Variants in RNF20 observed in about 807,000 individuals in gnomAD.
RNF20 encodes E3 ubiquitin-protein ligase BRE1A.
In RNF20, 84 loss-of-function variants were observed where a neutral mutation model predicts 126.2. The ratio of observed to expected loss-of-function variants is 0.67; its 90% confidence interval spans 0.56 to 0.80. RNF20 has a LOEUF of 0.80. RNF20 is among the 30% of genes least tolerant of loss of function. The pLI, the probability that RNF20 is intolerant of heterozygous loss-of-function variation, is 0.00. For synonymous variants in RNF20, 400 were observed against 414.3 expected (o/e 0.97, Z 0.42); for missense variants, 869 against 1,188.2 (o/e 0.73, Z 3.95).
intron 2 of RNF20, among the ~76,000 whole-genome samples, chr9:101,536,540 G>C (rs1827187494): frequency 6.6e-6 from 1 of 152,158 alleles, no homozygotes; most frequent in Non-Finnish European, 1.5e-5. Flanking sequence ...CTGGCAGGAA[G>C]TGATTTTTGT....
Position 101,547,133 on chromosome 9 carries a change from G to A in RNF20, c.895-4G>A, listed in dbSNP as rs1827363807. On this transcript the variant is annotated splice_region_variant and splice_polypyrimidine_tract_variant and intron_variant, in intron 7 of 19. Coordinates refer to ENST00000389120, the MANE Select transcript of RNF20 (RefSeq NM_019592.7). ...TCACTAAAGAATCTTTGTGTTCTCTGTAGGTGAATTCCAAAGGTTATAAGG... is the reference window on the plus strand; with the variant it reads ...TCACTAAAGAATCTTTGTGTTCTCTATAGGTGAATTCCAAAGGTTATAAGG... The A allele has an allele frequency of 1.2e-6, 2 of 1,613,662 alleles. No homozygotes were observed. The highest frequency in any genetic ancestry group is 1.7e-5 in the Admixed American group (1 of 60,000).
At chr9:101,541,360 G>A (rs1331553738) in intron 5 of RNF20, among the ~76,000 whole-genome samples, 4 of 152,192 alleles carry the variant, frequency 2.6e-5, no homozygotes, top group Non-Finnish European at 5.9e-5. Flanking sequence ...GAGCCACTGT[G>A]CCTGGACTAT....
At chr9:101,538,106 T>A (rs531762614) in intron 2 of RNF20, among the ~76,000 whole-genome samples, 47 of 152,224 alleles carry the variant, frequency 3.1e-4, no homozygotes, top group Non-Finnish European at 4.7e-4. Flanking sequence ...GTAAGGAAAC[T>A]GGAGAGAGTG....
chr9:101,540,130 T>C lies in RNF20; in HGVS notation c.130-73T>C, dbSNP rs573619077. The stretch of plus-strand genomic sequence containing the variant: ...ATAGAAAATAACTAATGAATAATTG[T>C]GACCTTGTTGAGTTTAACGGCTCAT... On this transcript the variant is annotated intron_variant, in intron 2 of 19. Transcript: ENST00000389120. 120 of 1,371,362 alleles carry C rather than the reference T, an allele frequency of 8.8e-5. No homozygotes were observed. In the African/African-American group the frequency reaches 1.6e-3, roughly 18 times the overall value. The allele number at this position is 1,371,362 out of a possible 1,614,324, so 84.9% of individuals were successfully genotyped here.
intron 5 of RNF20, among the ~76,000 whole-genome samples, chr9:101,542,261 A>T (rs1246594348): frequency 1.3e-5 from 2 of 152,194 alleles, no homozygotes; most frequent in African/African-American, 4.8e-5. Context: ...TCTGTATTTT[A>T]TTATAAGGAA....
intron 2 of RNF20, among the ~76,000 whole-genome samples, chr9:101,536,927 C>T (rs998999280): frequency 6.6e-6 from 1 of 152,204 alleles, no homozygotes; most frequent in South Asian, 2.1e-4. Context: ...TCTTCTTACT[C>T]TCTTTCGCTA....
At chr9:101,552,320 G>A (rs1425565526) in intron 12 of RNF20, 58 bp downstream of exon 12, 1 of 1,612,526 alleles carries the variant, frequency 6.2e-7, no homozygotes, top group Non-Finnish European at 8.5e-7. Flanking sequence ...AGCTGCTTTT[G>A]AATGAGGTCG....
intron 15 of RNF20, among the ~76,000 whole-genome samples, chr9:101,556,161 G>A (rs1354304313): frequency 1.3e-5 from 2 of 152,122 alleles, no homozygotes; most frequent in Admixed American, 6.5e-5. Context: ...TTAATATAAT[G>A]TGATCTCATA....
At chr9:101,554,655 A>G in intron 14 of RNF20, 39 bp from the exon 15 acceptor site, 1 of 1,585,560 alleles carries the variant, frequency 6.3e-7, no homozygotes, top group African/African-American at 1.4e-5. Context: ...AAAATGTGTT[A>G]TAACTTTTTA....
intron 11 of RNF20, 132 bp from the exon 12 acceptor site, chr9:101,552,009 C>T: frequency 2.2e-6 from 3 of 1,368,112 alleles, no homozygotes; most frequent in Non-Finnish European, 3.0e-6. Flanking sequence ...TTGTTTTCAT[C>T]TTCTGAGAAG....
intron 6 of RNF20, 135 bp from the exon 7 acceptor site, chr9:101,546,685 T>C: frequency 1.3e-6 from 1 of 773,032 alleles, no homozygotes; most frequent in Non-Finnish European, 2.1e-6. Flanking sequence ...TTCATTTTTG[T>C]AATCATGCAT....
intron 13 of RNF20, 135 bp from the exon 14 acceptor site, chr9:101,553,853 T>C (rs1827487410): frequency 1.9e-6 from 1 of 524,420 alleles, no homozygotes; most frequent in African/African-American, 1.9e-5. Flanking sequence ...CTGTGCAAAA[T>C]TTTATCTTTT....
intron 15 of RNF20, among the ~76,000 whole-genome samples, chr9:101,556,803 A>G (rs1361966781): frequency 6.6e-6 from 1 of 152,202 alleles, no homozygotes; most frequent in African/African-American, 2.4e-5. Flanking sequence ...CTTATCTGAT[A>G]CAAAAAAAAC....
At chr9:101,547,039 A>G in intron 7 of RNF20, 73 bp downstream of exon 7, 1 of 1,604,820 alleles carries the variant, frequency 6.2e-7, no homozygotes, top group South Asian at 1.1e-5. Flanking sequence ...ACCTTGGGGC[A>G]TGGTATTTGA....
intron 16 of RNF20, 75 bp from the exon 17 acceptor site, chr9:101,560,726 T>A: frequency 7.0e-7 from 1 of 1,421,080 alleles, no homozygotes; most frequent in South Asian, 1.4e-5. Context: ...TTTGTGGGCT[T>A]ATAGATTAAC....
chr9:101,560,713 T>C, intron 16 of RNF20, 88 bp from the exon 17 acceptor site: 2 of 1,291,628 alleles, frequency 1.5e-6, no homozygotes, highest in Non-Finnish European at 2.1e-6. Flanking sequence ...TAACATACTG[T>C]ATTTTGTGGG....
intron 9 of RNF20, among the ~76,000 whole-genome samples, chr9:101,548,697 A>C (rs1170206777): frequency 6.6e-6 from 1 of 152,202 alleles, no homozygotes; most frequent in African/African-American, 2.4e-5. Flanking sequence ...TATTATATGT[A>C]CTCTGCCTTG....
intron 2 of RNF20, among the ~76,000 whole-genome samples, chr9:101,536,328 T>C (rs1292000962): frequency 2.0e-5 from 3 of 152,232 alleles, no homozygotes; most frequent in South Asian, 2.1e-4. Context: ...GGATGTGATA[T>C]TAAAATGTTT....
At chr9:101,559,987 G>A (rs1827599681) in intron 16 of RNF20, among the ~76,000 whole-genome samples, 1 of 152,114 alleles carries the variant, frequency 6.6e-6, no homozygotes, top group African/African-American at 2.4e-5. Flanking sequence ...CCAGTTCTCA[G>A]GGGGAATGCT....
Sources: gnomAD v4.1 joint callset for allele counts (sites outside exome capture counted in the v4.1 genomes callset) on GRCh38, gnomAD v4.1.1 for gene constraint, MANE v1.5 for transcripts, NCBI Gene and HGNC (gene_info 2026-07-23, HGNC 2026-07-21) for gene names.